USP34: variants seen among roughly 807,000 people sequenced by gnomAD.
USP34 encodes ubiquitin carboxyl-terminal hydrolase 34.
A neutral mutation model predicts 460.3 loss-of-function variants in USP34; 70 were observed. The observed-to-expected ratio is 0.15, with a 90% CI of 0.13 to 0.19. USP34 has a LOEUF of 0.19. USP34 is among the 10% of genes least tolerant of loss of function. The probability of loss-of-function intolerance (pLI) is 1.00; values close to 1 mark genes in which losing one functional copy is unlikely to be tolerated. For missense variants in USP34, 3,985 were observed against 4,236.2 expected, an observed-to-expected ratio of 0.94 and a Z score of 1.65; for synonymous variants, 1,647 against 1,405.3, an observed-to-expected ratio of 1.17 and a Z score of -3.85.
intron 70 of USP34, chr2:61,207,087 T>C: frequency 2.0e-6 from 1 of 502,444 alleles, no homozygotes; most frequent in Non-Finnish European, 3.5e-6. Flanking sequence ...TTCAGAGCTC[T>C]GCTATTTTGT....
At chr2:61,373,938 T>G (rs10165349) in intron 8 of USP34, among the ~76,000 whole-genome samples, 2 of 151,994 alleles carry the variant, frequency 1.3e-5, no homozygotes, top group East Asian at 3.9e-4. Flanking sequence ...GTGGACTGCT[T>G]GAGGTCAGGA....
intron 41 of USP34, among the ~76,000 whole-genome samples, chr2:61,276,828 A>G (rs368835948): frequency 4.6e-5 from 7 of 152,324 alleles, no homozygotes; most frequent in African/African-American, 1.2e-4. Flanking sequence ...TTTCAAACAG[A>G]TAAGACTGTA....
At chr2:61,418,300 G>C (rs574655792) in intron 2 of USP34, among the ~76,000 whole-genome samples, 3 of 151,224 alleles carry the variant, frequency 2.0e-5, no homozygotes, top group Non-Finnish European at 3.0e-5. Context: ...GGCTGGTCTC[G>C]AACTCCTGAC....
intron 16 of USP34, 102 bp downstream of exon 16, chr2:61,343,712 AT>A: frequency 8.0e-7 from 1 of 1,249,186 alleles, no homozygotes. Context: ...TGACAAAAAC[AT>A]TTAAGTACCA....
intron 3 of USP34, among the ~76,000 whole-genome samples, chr2:61,405,389 T>C (rs1356006186): frequency 6.6e-6 from 1 of 151,920 alleles, no homozygotes; most frequent in Non-Finnish European, 1.5e-5. Context: ...AATTTAAAAT[T>C]CCATGTGTTT....
At chr2:61,302,208 T>G (rs1690248852) in intron 27 of USP34, among the ~76,000 whole-genome samples, 2 of 152,220 alleles carry the variant, frequency 1.3e-5, no homozygotes, top group South Asian at 4.1e-4. Flanking sequence ...TTAAAAATAT[T>G]GCTAAACTTC....
chr2:61,465,772 T>C (rs1695743747), intron 1 of USP34, among the ~76,000 whole-genome samples: 1 of 151,254 alleles, frequency 6.6e-6, no homozygotes, highest in South Asian at 2.1e-4. Flanking sequence ...GGTCAAGAGA[T>C]CGAGACCATC....
At chr2:61,292,194 T>C (rs1432711944) in intron 33 of USP34, among the ~76,000 whole-genome samples, 1 of 151,980 alleles carries the variant, frequency 6.6e-6, no homozygotes, top group Non-Finnish European at 1.5e-5. Context: ...GTTAACTATA[T>C]TTCAAAAAAA....
chr2:61,288,205 C>A (rs1424149302), intron 34 of USP34, among the ~76,000 whole-genome samples: 1 of 152,114 alleles, frequency 6.6e-6, no homozygotes, highest in African/African-American at 2.4e-5. Context: ...TTAACAGGAT[C>A]CCTCCTGCAA....
chr2:61,310,484 A>C (rs1391672088), intron 27 of USP34, among the ~76,000 whole-genome samples: 3 of 152,036 alleles, frequency 2.0e-5, no homozygotes, highest in African/African-American at 7.2e-5. Flanking sequence ...ACAAGCAAAC[A>C]GAACAGTAAA....
At chr2:61,269,701 T>C (rs754046871) in intron 41 of USP34, among the ~76,000 whole-genome samples, 90 of 152,182 alleles carry the variant, frequency 5.9e-4, no homozygotes, top group Non-Finnish European at 1.1e-3. Context: ...TGGCTTGCAA[T>C]CCATTACCAG....
At chr2:61,277,586 T>C (rs562264372) in intron 41 of USP34, 5 of 152,546 alleles carry the variant, frequency 3.3e-5, no homozygotes, top group East Asian at 1.9e-4. Context: ...ACATCTGATT[T>C]TGTATTCTAA....
chr2:61,308,326 AT>A (rs1160235154), intron 27 of USP34, among the ~76,000 whole-genome samples: 1 of 152,136 alleles, frequency 6.6e-6, no homozygotes, highest in Non-Finnish European at 1.5e-5. Context: ...AAATAGGCAT[AT>A]TTTTTCAGAG....
rs776725414 is a variant in USP34 at position 61,333,937 on chromosome 2, G to A, written c.2779C>T (p.Leu927=). The change falls in exon 19 of 80, where the codon CTA becomes TTA. Residue 927 remains leucine, a synonymous_variant. Transcript: ENST00000398571. The part of the protein sequence containing the change: ...VVISLRLLPK[L]FGTFQQFGSS... ...CCAAACTGCTGAAAAGTACCAAATA[G>A]TTTTGGAAGAAGACGAAGTGAAATT... 6.3e-7 allele frequency: 1 copy of A among 1,597,720 alleles called. No homozygotes were observed. The highest frequency in any genetic ancestry group is 8.5e-7 in the Non-Finnish European group (1 of 1,171,852).
intron 61 of USP34, 80 bp from the exon 62 acceptor site, chr2:61,227,298 CAG>C: frequency 6.8e-7 from 1 of 1,479,676 alleles, no homozygotes; most frequent in Admixed American, 2.1e-5. Context: ...TTTTATGTAA[CAG>C]TGTAGATGGT....
intron 35 of USP34, 97 bp from the exon 36 acceptor site, chr2:61,283,546 C>T: frequency 6.0e-6 from 8 of 1,343,200 alleles, no homozygotes; most frequent in Non-Finnish European, 8.2e-6. Flanking sequence ...TATCACTTCC[C>T]CCCCAAAAAA....
At chr2:61,426,128 CCT>C (rs1694505104) in intron 1 of USP34, among the ~76,000 whole-genome samples, 1 of 152,086 alleles carries the variant, frequency 6.6e-6, no homozygotes, top group South Asian at 2.1e-4. Flanking sequence ...CTCAGTTGAG[CCT>C]CTGAGACTTG....
intron 1 of USP34, among the ~76,000 whole-genome samples, chr2:61,459,404 G>C (rs973264796): frequency 1.3e-5 from 2 of 152,160 alleles, no homozygotes; most frequent in Non-Finnish European, 2.9e-5. Flanking sequence ...TATCATCACT[G>C]TGTTAAATAT....
In USP34 at chr2:61,347,999, T is replaced by C. The variant is rs200950754; in HGVS notation, c.2156A>G (p.Gln719Arg). The change falls in exon 15 of 80, where the codon CAG (glutamine) becomes CGG (arginine). Residue 719 changes from glutamine to arginine, a missense_variant. This residue lies in a region of USP34 where 716 missense variants were observed against 626.2 expected (regional missense o/e 1.14). Coordinates refer to ENST00000398571, the MANE Select transcript of USP34 (RefSeq NM_014709.4). ...MNATHIAQGS[Q>R]ESCITRTGDF... Reference sequence around the variant, plus strand: ...CCCAGTTCGTGTGATACAAGACTCCTGAGACCCTTGTGCTATATGAGTAGC... The same window carrying C: ...CCCAGTTCGTGTGATACAAGACTCCCGAGACCCTTGTGCTATATGAGTAGC... 12 of 1,614,068 alleles carry C rather than the reference T, an allele frequency of 7.4e-6. No homozygotes were observed. Among genetic ancestry groups the C allele is most frequent in the Non-Finnish European group, 1.0e-5 (12 of 1,180,032 alleles).
Sources: gnomAD v4.1 joint callset for allele counts (sites outside exome capture counted in the v4.1 genomes callset) on GRCh38, gnomAD v4.1.1 for gene constraint, gnomAD v4.1.1 regional missense constraint, MANE v1.5 for transcripts, NCBI Gene and HGNC (gene_info 2026-07-23, HGNC 2026-07-21) for gene names.